The following MYO16 variants were observed in gnomAD, a reference collection of about 807,000 sequenced individuals.
MYO16 encodes the protein myosin XVI.
In MYO16, 94 loss-of-function variants were observed where a neutral mutation model predicts 205.3. That is an observed-to-expected ratio of 0.46 (90% CI 0.39 to 0.54). The LOEUF (loss-of-function observed/expected upper bound fraction) is 0.54, where lower values mean the gene tolerates loss of function less well. MYO16 is among the 20% of genes least tolerant of loss of function. MYO16 has a pLI of 0.00. For missense variants in MYO16, 2,315 were observed against 2,387.5 expected (o/e 0.97, Z 0.63); for synonymous variants, 988 against 954.0 (o/e 1.04, Z -0.66).
intron 6 of MYO16, among the ~76,000 whole-genome samples, chr13:108,793,937 C>A (rs72652120): frequency 6.6e-6 from 1 of 152,092 alleles, no homozygotes; most frequent in Non-Finnish European, 1.5e-5. Context: ...CCTAGATGTC[C>A]GTCAAGGTGG....
At chr13:108,669,813 T>C (rs1233444976) in intron 2 of MYO16, among the ~76,000 whole-genome samples, 2 of 152,056 alleles carry the variant, frequency 1.3e-5, no homozygotes, top group Admixed American at 1.3e-4. Context: ...CTCAGCAAAC[T>C]AACACAGGAA....
At chr13:108,831,547 T>C (rs1284560677) in intron 9 of MYO16, among the ~76,000 whole-genome samples, 2 of 152,206 alleles carry the variant, frequency 1.3e-5, no homozygotes, top group Non-Finnish European at 2.9e-5. Flanking sequence ...AGTTTCGCTC[T>C]TGTTGCCCAG....
At chr13:108,790,984 A>G (rs920618870) in intron 5 of MYO16, among the ~76,000 whole-genome samples, 1 of 152,234 alleles carries the variant, frequency 6.6e-6, no homozygotes, top group African/African-American at 2.4e-5. Context: ...CCTAAAAGTT[A>G]ACAAAATAAC....
the MYO16 span, among the ~76,000 whole-genome samples, chr13:108,496,515 G>T: frequency 6.6e-6 from 1 of 152,198 alleles, no homozygotes; most frequent in Non-Finnish European, 1.5e-5. Context: ...TGTCTCAGAG[G>T]CCGGCGGCCA....
chr13:108,878,239 G>T (rs1879418948), intron 12 of MYO16, among the ~76,000 whole-genome samples: 1 of 152,048 alleles, frequency 6.6e-6, no homozygotes, highest in Admixed American at 6.5e-5. Context: ...GTGCCAAAAA[G>T]TTGCCTTTGG....
At chr13:109,097,606 A>C (rs1376183242) in intron 27 of MYO16, among the ~76,000 whole-genome samples, 1 of 152,220 alleles carries the variant, frequency 6.6e-6, no homozygotes, top group Non-Finnish European at 1.5e-5. Flanking sequence ...CACCTATCAA[A>C]AGCAAAACAA....
chr13:109,036,199 G>T (rs1886712577), intron 23 of MYO16, among the ~76,000 whole-genome samples: 1 of 152,142 alleles, frequency 6.6e-6, no homozygotes, highest in Non-Finnish European at 1.5e-5. Context: ...TCAGTTCAGG[G>T]AATTAAAATC....
At chr13:109,017,709 A>G (rs1314747238) in intron 22 of MYO16, among the ~76,000 whole-genome samples, 2 of 151,888 alleles carry the variant, frequency 1.3e-5, no homozygotes, top group Non-Finnish European at 2.9e-5. Flanking sequence ...TCATTTCCTT[A>G]ATTTGATCTT....
intron 16 of MYO16, among the ~76,000 whole-genome samples, chr13:108,957,364 C>T (rs1198235324): frequency 2.1e-5 from 2 of 95,722 alleles, no homozygotes; most frequent in Non-Finnish European, 3.8e-5. Context: ...GCCTGGATGA[C>T]AAGAGTGAAA....
chr13:109,055,633 C>A lies in MYO16; in HGVS notation c.3335+38C>A, dbSNP rs754717213. 2 of 1,542,804 alleles carry A rather than the reference C, an allele frequency of 1.3e-6. No individual in the cohort carries two copies. Among genetic ancestry groups the A allele is most frequent in the Non-Finnish European group, 1.8e-6 (2 of 1,126,732 alleles). ...GCTCTTAAAATCGTCGTTCTCGCTG[C>A]TGTTCAGTGCAGTGTACTGACACTG... On this transcript the variant is annotated intron_variant, in intron 27 of 34. Coordinates refer to ENST00000457511, the MANE Select transcript of MYO16 (RefSeq NM_001198950.3). The surrounding 1 kb of genome is among the most constrained non-coding windows in gnomAD (Gnocchi z 5.0).
chr13:108,566,120 A>G, the MYO16 span, among the ~76,000 whole-genome samples: 4 of 151,908 alleles, frequency 2.6e-5, no homozygotes, highest in Non-Finnish European at 5.9e-5. Flanking sequence ...TTCTTTAAAT[A>G]TTTGCTAGAA....
Position 109,179,614 on chromosome 13 carries a change from G to C in MYO16, c.5396G>C (p.Arg1799Thr). 6.2e-7 allele frequency: 1 copy of C among 1,613,454 alleles called. No individual in the cohort carries two copies. The highest frequency in any genetic ancestry group is 8.5e-7 in the Non-Finnish European group (1 of 1,179,394). Residue 1799 changes from arginine to threonine, a missense_variant, in exon 34 of 35, where the codon AGG (arginine) becomes ACG (threonine). Arg to Thr is a moderately conservative substitution (Grantham distance 71). Transcript: ENST00000457511. ...GTGTSTFQRHRDSHTTQVIHQ... is the reference protein window; with the variant it reads ...GTGTSTFQRHTDSHTTQVIHQ... The stretch of plus-strand genomic sequence containing the variant: ...GGGACTTCGACATTTCAAAGACACA[G>C]GGACAGTCACACCACTCAGGTAATG...
Position 109,141,191 on chromosome 13 carries a change from C to G in MYO16, c.4979C>G (p.Ser1660Cys), listed in dbSNP as rs763188407. The change falls in exon 32 of 35, where the codon TCC becomes TGC. Residue 1660 changes from serine to cysteine, a missense_variant. Around this residue, in one of 3 missense-constraint regions of MYO16, gnomAD observed 1,097 missense variants for 1,092.0 expected, o/e 1.00. Transcript: ENST00000457511. This position sits in a 1 kb window ranked among gnomAD's most constrained non-coding sequence, Gnocchi z 4.1. ...AGCTCCTTCCCCAAGATCCCATATT[C>G]CCCCGTGAAGGCCACCAGGGCGGAC... ...PCSSFPKIPY[S>C]PVKATRADAR... The G allele has an allele frequency of 4.4e-6, 7 of 1,607,784 alleles. No individual in the cohort carries two copies. Among genetic ancestry groups the G allele is most frequent in the Middle Eastern group, 1.7e-4 (1 of 6,040 alleles).
chr13:108,579,531 T>C, the MYO16 span, among the ~76,000 whole-genome samples: 1 of 151,536 alleles, frequency 6.6e-6, no homozygotes, highest in South Asian at 2.1e-4. Flanking sequence ...ACCTCTGCCT[T>C]CCGGGTTCAA....
chr13:108,911,064 C>CAGAG (rs370120215), intron 16 of MYO16, among the ~76,000 whole-genome samples: 18,696 of 134,992 alleles, frequency 0.14, 1,393 homozygotes, highest in East Asian at 0.53. Context: ...CACACACACA[C>CAGAG]ACAGAGAGAG....
At chr13:109,108,554 A>G (rs569924176) in intron 28 of MYO16, among the ~76,000 whole-genome samples, 5 of 152,334 alleles carry the variant, frequency 3.3e-5, no homozygotes, top group Non-Finnish European at 7.3e-5. Flanking sequence ...TTCAACAAGC[A>G]TTTACTGATC....
intron 13 of MYO16, among the ~76,000 whole-genome samples, chr13:108,884,246 TA>T (rs1363780214): frequency 1.3e-5 from 2 of 152,234 alleles, no homozygotes; most frequent in African/African-American, 4.8e-5. Context: ...TATATGTTTA[TA>T]TGCATTTCAT....
At chr13:108,917,039 TC>T (rs879858903) in intron 16 of MYO16, among the ~76,000 whole-genome samples, 1 of 1,538 alleles carries the variant, frequency 6.5e-4, no homozygotes. Flanking sequence ...ATGCAGAAAC[TC>T]GAATGTGAGA....
chr13:109,004,951 A>G (rs562771483), intron 21 of MYO16, among the ~76,000 whole-genome samples: 1 of 152,244 alleles, frequency 6.6e-6, no homozygotes, highest in South Asian at 2.1e-4. Flanking sequence ...TTAAGAGATG[A>G]TCACAGCAGT....
Sources: gnomAD v4.1 joint callset for allele counts (sites outside exome capture counted in the v4.1 genomes callset) on GRCh38, gnomAD v4.1.1 for gene constraint, gnomAD v4.1.1 regional missense constraint, Gnocchi (gnomAD v3.1) non-coding constraint, MANE v1.5 for transcripts, NCBI Gene and HGNC (gene_info 2026-07-23, HGNC 2026-07-21) for gene names.